The following BMS1 variants were observed in gnomAD, a reference collection of about 807,000 sequenced individuals.
BMS1 encodes the protein ribosome biogenesis protein BMS1 homolog.
In BMS1, 53 loss-of-function variants were observed where a neutral mutation model predicts 138.7. The observed-to-expected ratio is 0.38, with a 90% CI of 0.31 to 0.48. The LOEUF (loss-of-function observed/expected upper bound fraction) is 0.48. Ranked by LOEUF, BMS1 falls within the 20% of genes least tolerant of loss-of-function variation. BMS1 has a pLI of 0.97. For missense variants in BMS1, 1,360 were observed against 1,565.5 expected, an observed-to-expected ratio of 0.87 and a Z score of 2.22; for synonymous variants, 504 against 539.9, an observed-to-expected ratio of 0.93 and a Z score of 0.92.
chr10:42,810,867 C>A (rs1239039499), intron 13 of BMS1, among the ~76,000 whole-genome samples: 2 of 152,054 alleles, frequency 1.3e-5, no homozygotes, highest in Non-Finnish European at 2.9e-5. Context: ...CTGCAGGAGC[C>A]TTTTTGATAA....
chr10:42,785,945 T>A (rs1165546615), intron 3 of BMS1, among the ~76,000 whole-genome samples: 1 of 152,140 alleles, frequency 6.6e-6, no homozygotes, highest in African/African-American at 2.4e-5. Flanking sequence ...AAAATCAAGC[T>A]TTGCTGCTCG....
intron 12 of BMS1, 67 bp downstream of exon 12, chr10:42,798,692 A>T (rs547907184): frequency 1.9e-6 from 3 of 1,580,802 alleles, no homozygotes; most frequent in Non-Finnish European, 2.6e-6. Context: ...AGATTATCTG[A>T]TGTCAATATT....
chr10:42,816,467 C>T (rs1322726010), intron 13 of BMS1, 132 bp from the exon 14 acceptor site: 1 of 613,098 alleles, frequency 1.6e-6, no homozygotes, highest in Admixed American at 3.3e-5. Flanking sequence ...AAAGTTTTGC[C>T]TGTGTGTGTA....
chr10:42,808,198 T>C (rs1018648193), intron 13 of BMS1, among the ~76,000 whole-genome samples: 3 of 152,092 alleles, frequency 2.0e-5, no homozygotes, highest in Non-Finnish European at 4.4e-5. Context: ...ATGTGTGATT[T>C]GCAGATACTT....
At position 42,798,568 on chromosome 10, in the gene BMS1, C is replaced by T; in HGVS notation, c.2190C>T (p.Asp730=). 1 of 1,614,262 alleles carries T rather than the reference C, an allele frequency of 6.2e-7. No individual in the cohort carries two copies. The highest frequency in any genetic ancestry group is 8.5e-7 in the Non-Finnish European group (1 of 1,180,056). ...QPDRECKHKA[D]SLDCSRFLVE... ...ACAGAGAGTGTAAGCACAAGGCTGA[C>T]TCTTTGGACTGCTCCAGATTTCTTG... The change falls in exon 12 of 23, where the codon GAC becomes GAT. Residue 730 remains aspartate, a synonymous_variant. Coordinates refer to ENST00000374518, the MANE Select transcript of BMS1 (RefSeq NM_014753.4).
At chr10:42,809,726 T>G (rs935372840) in intron 13 of BMS1, among the ~76,000 whole-genome samples, 1 of 152,192 alleles carries the variant, frequency 6.6e-6, no homozygotes, top group African/African-American at 2.4e-5. Context: ...CCTTTTGGTG[T>G]CAGTTGATAT....
chr10:42,797,432 G>A lies in BMS1; in HGVS notation c.1998G>A (p.Lys666=). Residue 666 remains lysine (K), a synonymous_variant, in exon 11 of 23, where the codon AAG becomes AAA. Transcript: ENST00000374518. ...CATTGGTCGTTTCAGGTGCCCTCAA[G>A]TGGAAGGAAGACCTTTCCAGAAAGG... ...NDSKETSGAL[K]WKEDLSRKAA... 1 of 1,614,240 alleles carries A rather than the reference G, an allele frequency of 6.2e-7. No individual in the cohort carries two copies. The highest frequency in any genetic ancestry group is 1.7e-5 in the Admixed American group (1 of 60,032).
chr10:42,810,472 G>T (rs1299197232), intron 13 of BMS1, among the ~76,000 whole-genome samples: 3 of 152,030 alleles, frequency 2.0e-5, no homozygotes, highest in Non-Finnish European at 4.4e-5. Context: ...TTTTGTGGTG[G>T]TACTGTCTTC....
At chr10:42,823,512 A>G in intron 20 of BMS1, 97 bp from the exon 21 acceptor site, 1 of 1,250,628 alleles carries the variant, frequency 8.0e-7, no homozygotes, top group Non-Finnish European at 1.1e-6. Flanking sequence ...GCAGCCAGGT[A>G]GAGAAGTTTG....
intron 21 of BMS1, among the ~76,000 whole-genome samples, chr10:42,824,142 C>T (rs751618906): frequency 1.1e-4 from 16 of 152,102 alleles, no homozygotes; most frequent in Non-Finnish European, 2.2e-4. Flanking sequence ...TTGTGTGTAA[C>T]AGGAACAGCT....
intron 21 of BMS1, among the ~76,000 whole-genome samples, chr10:42,825,569 A>G (rs769242508): frequency 1.3e-5 from 2 of 152,194 alleles, no homozygotes; most frequent in African/African-American, 4.8e-5. Flanking sequence ...TGTAAATTAG[A>G]TTATTTTCTT....
chr10:42,815,662 C>G (rs1430841627), intron 13 of BMS1, among the ~76,000 whole-genome samples: 1 of 152,174 alleles, frequency 6.6e-6, no homozygotes, highest in Admixed American at 6.5e-5. Context: ...CCCGGGCCCC[C>G]AAAGTGCTGG....
intron 3 of BMS1, 132 bp downstream of exon 3, chr10:42,785,804 T>A (rs2132291125): frequency 1.5e-5 from 15 of 995,144 alleles, no homozygotes; most frequent in Non-Finnish European, 2.1e-5. Context: ...ATACTTAGTA[T>A]TACTAAGTTG....
intron 21 of BMS1, among the ~76,000 whole-genome samples, chr10:42,827,537 T>C (rs1381008066): frequency 9.2e-5 from 14 of 151,990 alleles, no homozygotes; most frequent in Non-Finnish European, 1.5e-5. Flanking sequence ...AGCTGGTCCA[T>C]GGGGGTGGGG....
In BMS1 at chr10:42,793,158, G is replaced by A. The variant is rs750028208; in HGVS notation, c.1089+14G>A. 2.9e-5 allele frequency: 45 copies of A among 1,576,340 alleles called. No individual in the cohort carries two copies. The highest frequency in any genetic ancestry group is 2.3e-4 in the Admixed American group (12 of 53,206). On this transcript the variant is annotated intron_variant, in intron 8 of 22. Coordinates refer to ENST00000374518, the MANE Select transcript of BMS1 (RefSeq NM_014753.4). ...CACGTTTTTCAGGTATCGGTGAGAC[G>A]GGAGTCATTTCTCTGAACTTTCAGT... is the stretch of plus-strand genomic sequence containing the variant.
At position 42,797,025 on chromosome 10, in the gene BMS1, C is replaced by A; in HGVS notation, c.1781C>A (p.Ser594Tyr). The A allele has an allele frequency of 6.2e-7, 1 of 1,614,112 alleles. No homozygotes were observed. Among genetic ancestry groups the A allele is most frequent in the South Asian group, 1.1e-5 (1 of 91,076 alleles). ...GAGGTGTTTGCATCTGAAGATGAAT[C>A]TGAAGAAAGCTCCTCACTCAGTGCA... Reference protein sequence around the residue: ...AEEVFASEDESEESSSLSAEE... With the variant: ...AEEVFASEDEYEESSSLSAEE... Residue 594 changes from serine (S) to tyrosine (Y), a missense_variant, in exon 10 of 23, where the codon TCT becomes TAT. By Grantham distance (144) the Ser-to-Tyr change is moderately radical. This residue lies in a region of BMS1 where 697 missense variants were observed against 686.2 expected (regional missense o/e 1.02). Transcript: ENST00000374518.
At chr10:42,792,897 A>G (rs1378781438) in intron 7 of BMS1, 60 bp from the exon 8 acceptor site, 15 of 1,539,448 alleles carry the variant, frequency 9.7e-6, no homozygotes, top group African/African-American at 1.4e-5. Flanking sequence ...CCCCCTAGTC[A>G]ATGGTAGATG....
Position 42,793,939 on chromosome 10 carries a change from A to G in BMS1, c.1177A>G (p.Thr393Ala). Residue 393 changes from threonine (T) to alanine (A), a missense_variant, in exon 9 of 23, where the codon ACG (threonine) becomes GCG (alanine). Physicochemically the swap from Thr to Ala is moderately conservative, Grantham distance 58. Transcript: ENST00000374518. ...TGCCAAGATGGCTTCAAGTCGAGTGACGCTGTTTTCTGATTCCAAGCCACT... is the reference window on the plus strand; with the variant it reads ...TGCCAAGATGGCTTCAAGTCGAGTGGCGCTGTTTTCTGATTCCAAGCCACT... Reference protein sequence around the residue: ...IDAKMASSRVTLFSDSKPLGS... With the variant: ...IDAKMASSRVALFSDSKPLGS... The G allele has an allele frequency of 6.2e-7, 1 of 1,611,868 alleles. No homozygotes were observed. The highest frequency in any genetic ancestry group is 8.5e-7 in the Non-Finnish European group (1 of 1,179,812).
At chr10:42,793,717 T>C in intron 8 of BMS1, 135 bp from the exon 9 acceptor site, 1 of 1,070,286 alleles carries the variant, frequency 9.3e-7, no homozygotes, top group Admixed American at 2.3e-5. Context: ...AAGGATTTTC[T>C]TCTCTGCTTT....
Sources: allele counts gnomAD v4.1 joint callset (sites outside exome capture counted in the v4.1 genomes callset), GRCh38; gene constraint gnomAD v4.1.1; regional missense constraint gnomAD v4.1.1; transcripts MANE v1.5; gene names NCBI Gene and HGNC (gene_info 2026-07-23, HGNC 2026-07-21).